The following DLD variants were observed in gnomAD, a reference collection of about 807,000 sequenced individuals.
DLD encodes the protein dihydrolipoamide dehydrogenase.
In DLD, 36 loss-of-function variants were observed where a neutral mutation model predicts 62.2. That is an observed-to-expected ratio of 0.58 (90% CI 0.44 to 0.76). The LOEUF is 0.76. Ranked by LOEUF, DLD falls within the 30% of genes least tolerant of loss-of-function variation. DLD has a pLI of 0.00. For missense variants in DLD, 541 were observed against 608.6 expected (o/e 0.89, Z 1.17); for synonymous variants, 204 against 199.6 (o/e 1.02, Z -0.19).
At chr7:107,917,134 T>G (rs1202739965) in intron 10 of DLD, 139 bp from the exon 11 acceptor site, 1 of 1,228,882 alleles carries the variant, frequency 8.1e-7, no homozygotes, top group Admixed American at 2.0e-5. Flanking sequence ...ATAAGCTGAA[T>G]TCATAGATTT....
rs1562913395 is a variant in DLD at position 107,901,800 on chromosome 7, G to A, written c.181G>A (p.Ala61Thr). Residue 61 changes from alanine (A) to threonine (T), a missense_variant, in exon 3 of 14, where the codon GCC becomes ACC. Ala to Thr is a moderately conservative substitution (Grantham distance 58, BLOSUM62 0). Transcript: ENST00000205402. ...PGGYVAAIKA[A>T]QLGFKTVCIE... is the part of the protein sequence containing the mutation. ...AGGATATGTTGCTGCTATTAAAGCT[G>A]CCCAGTTAGGCTTCAAGGTAAGGTT... The A allele has an allele frequency of 1.2e-6, 2 of 1,613,354 alleles. No individual in the cohort carries two copies.
chr7:107,905,702 G>C, intron 7 of DLD, 198 bp downstream of exon 7: 1 of 596,042 alleles, frequency 1.7e-6, no homozygotes, highest in Non-Finnish European at 2.9e-6. Flanking sequence ...ATTAAGATAT[G>C]TTTGAATACA....
At chr7:107,905,832 T>C (rs1216833625) in intron 7 of DLD, 1 of 356,002 alleles carries the variant, frequency 2.8e-6, no homozygotes, top group Non-Finnish European at 5.2e-6. Context: ...ATAAATGACT[T>C]AGTATTTTTA....
rs2031561882 is a variant in DLD at position 107,891,239 on chromosome 7, T to TA, written c.-11dup. ...GTGAAAGTATTGGCGGAAAGGAAAA[T>TA]ACAGCGGAAAAATGCAGAGCTGGAG... On this transcript the variant is annotated 5_prime_UTR_variant, in exon 1 of 14. Coordinates refer to ENST00000205402, the MANE Select transcript of DLD (RefSeq NM_000108.5). 6.2e-7 allele frequency: 1 copy of TA among 1,613,892 alleles called. No homozygotes were observed. The highest frequency in any genetic ancestry group is 1.7e-5 in the Admixed American group (1 of 59,996).
At chr7:107,893,299 T>G (rs1426969585) in intron 2 of DLD, 21 bp downstream of exon 2, 1 of 1,588,248 alleles carries the variant, frequency 6.3e-7, no homozygotes, top group Non-Finnish European at 8.6e-7. Flanking sequence ...AAGTAAAACA[T>G]TTTTTTCATC....
At chr7:107,897,761 T>A (rs1033145671) in intron 2 of DLD, among the ~76,000 whole-genome samples, 1 of 152,020 alleles carries the variant, frequency 6.6e-6, no homozygotes, top group African/African-American at 2.4e-5. Flanking sequence ...GTATTTTTAG[T>A]AGAGATAGGG....
intron 4 of DLD, among the ~76,000 whole-genome samples, chr7:107,903,251 A>G (rs2031921242): frequency 6.6e-6 from 1 of 152,138 alleles, no homozygotes; most frequent in South Asian, 2.1e-4. Context: ...ATACAAAATT[A>G]GCCAGGCGTG....
intron 8 of DLD, among the ~76,000 whole-genome samples, chr7:107,910,953 A>G (rs1227697915): frequency 6.6e-6 from 1 of 152,136 alleles, no homozygotes; most frequent in Non-Finnish European, 1.5e-5. Flanking sequence ...GTTTCCAAGA[A>G]TGGTCCTTTC....
chr7:107,896,910 C>G (rs2031740683), intron 2 of DLD, among the ~76,000 whole-genome samples: 2 of 151,766 alleles, frequency 1.3e-5, no homozygotes. Flanking sequence ...GATCTTGGCT[C>G]ACTGCAACTC....
chr7:107,899,152 A>G (rs1248917263), intron 2 of DLD, among the ~76,000 whole-genome samples: 1 of 152,070 alleles, frequency 6.6e-6, no homozygotes, highest in East Asian at 1.9e-4. Flanking sequence ...ATCAGTGCAG[A>G]CGTGTGTATA....
intron 2 of DLD, among the ~76,000 whole-genome samples, chr7:107,899,570 C>A (rs554729989): frequency 6.6e-6 from 1 of 151,870 alleles, no homozygotes; most frequent in South Asian, 2.1e-4. Context: ...CTCAAAAATA[C>A]ATATACTTAA....
intron 8 of DLD, among the ~76,000 whole-genome samples, chr7:107,914,227 TTTATTGAATTTTTC>T (rs1314364967): frequency 6.6e-6 from 1 of 152,142 alleles, no homozygotes; most frequent in East Asian, 1.9e-4. Flanking sequence ...TTGTCCATTT[TTTATTGAATTTTTC>T]TTATTGAATT....
intron 8 of DLD, among the ~76,000 whole-genome samples, chr7:107,914,577 T>G (rs2032222386): frequency 6.6e-6 from 1 of 152,172 alleles, no homozygotes. Context: ...ATTTTTAGTG[T>G]CACTATATTG....
At chr7:107,893,323 G>T in intron 2 of DLD, 45 bp downstream of exon 2, 3 of 1,413,846 alleles carry the variant, frequency 2.1e-6, no homozygotes, top group South Asian at 2.4e-5. Context: ...TTAGCTGACA[G>T]TTCCTTTCTA....
At chr7:107,910,097 C>T (rs550880805) in intron 8 of DLD, among the ~76,000 whole-genome samples, 18 of 152,102 alleles carry the variant, frequency 1.2e-4, no homozygotes, top group African/African-American at 3.9e-4. Flanking sequence ...CCTCATGATC[C>T]GTCTGCCTCG....
intron 1 of DLD, chr7:107,891,566 G>T (rs1482790590): frequency 1.4e-5 from 8 of 583,784 alleles, no homozygotes; most frequent in Admixed American, 6.0e-5. Context: ...CCCAAGCCTG[G>T]GCCGAGGGCC....
At chr7:107,898,270 C>CTTTTTTTT (rs67913323) in intron 2 of DLD, among the ~76,000 whole-genome samples, 3 of 65,570 alleles carry the variant, frequency 4.6e-5, no homozygotes, top group African/African-American at 1.9e-4. Context: ...TTTCTGTATC[C>CTTTTTTTT]TTTTTTTTTT....
At chr7:107,913,538 CTG>C (rs2032194432) in intron 8 of DLD, among the ~76,000 whole-genome samples, 1 of 151,086 alleles carries the variant, frequency 6.6e-6, no homozygotes, top group African/African-American at 2.4e-5. Flanking sequence ...AGATTGTCCA[CTG>C]TTGGTGTATA....
intron 2 of DLD, among the ~76,000 whole-genome samples, chr7:107,894,805 GT>G (rs1290932987): frequency 6.6e-6 from 1 of 152,188 alleles, no homozygotes; most frequent in Admixed American, 6.5e-5. Context: ...TAGTACCCAT[GT>G]GTGTAAAGTG....
Sources: allele counts gnomAD v4.1 joint callset (sites outside exome capture counted in the v4.1 genomes callset), GRCh38; gene constraint gnomAD v4.1.1; transcripts MANE v1.5; gene names NCBI Gene and HGNC (gene_info 2026-07-23, HGNC 2026-07-21).